KLF8: variants seen among roughly 807,000 people sequenced by gnomAD.
The protein encoded by KLF8 is Krueppel-like factor 8.
KLF8 carries 10 observed loss-of-function variants against 18.2 expected under a neutral mutation model. That is an observed-to-expected ratio of 0.55 (90% CI 0.34 to 0.93). The LOEUF is 0.93. Ranked by LOEUF, KLF8 falls within the 40% of genes least tolerant of loss-of-function variation. The pLI is 0.02. For missense variants in KLF8, 264 were observed against 277.9 expected (o/e 0.95, Z 0.36); for synonymous variants, 109 against 97.3 (o/e 1.12, Z -0.71).
At chrX:56,164,729 C>CTTTTTTTTTTTTTTTTTTTTTCTT in the KLF8 span, among the ~76,000 whole-genome samples, 3 of 51,916 alleles carry the variant, frequency 5.8e-5, no homozygotes, top group Non-Finnish European at 6.6e-5. Context: ...CTTGTTATCT[C>CTTTTTTTTTTTTTTTTTTTTTCTT]TTTTTTTTTT....
the KLF8 span, among the ~76,000 whole-genome samples, chrX:55,914,753 C>T: frequency 6.3e-5 from 7 of 111,120 alleles, no homozygotes; most frequent in African/African-American, 2.3e-4. Flanking sequence ...ATGCTATGTT[C>T]AGGAAATAGT....
At chrX:56,152,680 G>A in the KLF8 span, among the ~76,000 whole-genome samples, 1 of 111,365 alleles carries the variant, frequency 9.0e-6, no homozygotes, top group Non-Finnish European at 1.9e-5. Context: ...GGTAATCAAA[G>A]GTAGTGCTTT....
chrX:56,216,848 T>G, the KLF8 span, among the ~76,000 whole-genome samples: 1 of 111,190 alleles, frequency 9.0e-6, no homozygotes, highest in Non-Finnish European at 1.9e-5. Context: ...GCTTATGAGG[T>G]TCCATCTTCC....
chrX:56,200,817 A>AT, the KLF8 span, among the ~76,000 whole-genome samples: 2 of 111,765 alleles, frequency 1.8e-5, no homozygotes, highest in Admixed American at 9.6e-5. Flanking sequence ...CTGACTAGAC[A>AT]TTTTTTTCCA....
At chrX:55,971,911 T>C in the KLF8 span, among the ~76,000 whole-genome samples, 3 of 111,011 alleles carry the variant, frequency 2.7e-5, no homozygotes, top group East Asian at 5.6e-4. Flanking sequence ...AGGAAATAAA[T>C]GCTGGTGAGG....
chrX:56,099,606 C>T, the KLF8 span, among the ~76,000 whole-genome samples: 2 of 109,339 alleles, frequency 1.8e-5, no homozygotes, highest in South Asian at 3.7e-4. Context: ...GAATGAAAAG[C>T]GCTTAAGACA....
the KLF8 span, among the ~76,000 whole-genome samples, chrX:56,171,698 G>A: frequency 9.0e-6 from 1 of 111,644 alleles, no homozygotes; most frequent in Non-Finnish European, 1.9e-5. Flanking sequence ...CAAAGGACAT[G>A]AACTCATCCT....
chrX:56,029,118 G>T, the KLF8 span, among the ~76,000 whole-genome samples: 14 of 110,879 alleles, frequency 1.3e-4, no homozygotes, highest in Non-Finnish European at 1.9e-4. Flanking sequence ...TGAGTACAGG[G>T]GCTTGATTGA....
chrX:56,120,041 A>G, the KLF8 span, among the ~76,000 whole-genome samples: 2 of 64,950 alleles, frequency 3.1e-5, no homozygotes, highest in Non-Finnish European at 9.1e-5. Context: ...GTATCTTTGG[A>G]AACTTTACTT....
At chrX:56,065,479 T>C in the KLF8 span, among the ~76,000 whole-genome samples, 5 of 112,102 alleles carry the variant, frequency 4.5e-5, no homozygotes, top group African/African-American at 1.6e-4. Flanking sequence ...TATTTAAAAA[T>C]AATATCTGTT....
the KLF8 span, among the ~76,000 whole-genome samples, chrX:56,038,966 G>A: frequency 7.1e-5 from 8 of 112,031 alleles, no homozygotes; most frequent in African/African-American, 1.9e-4. Context: ...GATCAGTGAC[G>A]GTGAGCTTTT....
At chrX:56,049,464 T>G in the KLF8 span, among the ~76,000 whole-genome samples, 4 of 109,483 alleles carry the variant, frequency 3.7e-5, no homozygotes, top group African/African-American at 1.3e-4. Flanking sequence ...CTATTGAGAG[T>G]TTTTAGCATG....
the KLF8 span, among the ~76,000 whole-genome samples, chrX:55,940,317 A>G: frequency 8.9e-6 from 1 of 112,003 alleles, no homozygotes; most frequent in East Asian, 2.8e-4. Context: ...GCCTTTGATA[A>G]AATTCAACAA....
chrX:55,971,474 G>A, the KLF8 span, among the ~76,000 whole-genome samples: 1 of 110,886 alleles, frequency 9.0e-6, no homozygotes, highest in Admixed American at 9.6e-5. Flanking sequence ...AGAAAACATT[G>A]AGGAAACTCC....
the KLF8 span, among the ~76,000 whole-genome samples, chrX:56,141,005 G>A: frequency 3.1e-3 from 343 of 111,007 alleles, no homozygotes; most frequent in African/African-American, 0.011. Flanking sequence ...TTTTTGAGAT[G>A]GAGTCTCACT....
chrX:56,241,373 G>A (rs888822679), intron 1 of KLF8, among the ~76,000 whole-genome samples: 8 of 111,110 alleles, frequency 7.2e-5, no homozygotes, highest in African/African-American at 2.6e-4. Context: ...CACCATGTTG[G>A]TCAGGCTGGT....
chrX:55,938,077 T>G, the KLF8 span, among the ~76,000 whole-genome samples: 1 of 111,117 alleles, frequency 9.0e-6, no homozygotes, highest in Non-Finnish European at 1.9e-5. Flanking sequence ...AATTGTCAGA[T>G]TCACCAAAGT....
chrX:55,951,347 G>T, the KLF8 span, among the ~76,000 whole-genome samples: 1 of 108,374 alleles, frequency 9.2e-6, no homozygotes, highest in Non-Finnish European at 1.9e-5. Flanking sequence ...GTGGTGGGGG[G>T]CGCCTGTCAT....
the KLF8 span, among the ~76,000 whole-genome samples, chrX:56,058,279 C>CATATATAT: frequency 1.6e-3 from 12 of 7,292 alleles, no homozygotes; most frequent in Admixed American, 5.4e-3. Context: ...CATATATATA[C>CATATATAT]ATATATATAT....
Sources: gnomAD v4.1 joint callset for allele counts (sites outside exome capture counted in the v4.1 genomes callset) on GRCh38, gnomAD v4.1.1 for gene constraint, MANE v1.5 for transcripts, NCBI Gene and HGNC (gene_info 2026-07-23, HGNC 2026-07-21) for gene names.